Variants in RPL35A observed in about 807,000 individuals in gnomAD.
RPL35A encodes the protein ribosomal protein L35a, also known as large ribosomal subunit protein eL33.
RPL35A carries 1 observed loss-of-function variant against 16.7 expected under a neutral mutation model. The ratio of observed to expected loss-of-function variants is 0.06; its 90% CI spans 0.02 to 0.28. The LOEUF (loss-of-function observed/expected upper bound fraction) is 0.28. RPL35A is among the 10% of genes least tolerant of loss of function. The pLI is 1.00. For missense variants in RPL35A, 91 were observed against 138.7 expected (o/e 0.66, Z 1.73); for synonymous variants, 58 against 47.0 (o/e 1.23, Z -0.96).
In RPL35A at chr3:197,951,351, C is replaced by T. The variant is rs369611749; in HGVS notation, c.164+40C>T. On this transcript the variant is annotated intron_variant, in intron 3 of 4. Transcript: ENST00000647248. ...CTGGTAGGTTTTGGGTTTTTGAGAT[C>T]TGCCTCATTTTCTTTTTTATATAAC... 6.5e-5 allele frequency: 105 copies of T among 1,604,052 alleles called. No individual in the cohort carries two copies. The African/African-American group carries it at 1.0e-3, about 16-fold the overall frequency.
intron 3 of RPL35A, chr3:197,953,384 A>AAT (rs1720276147): frequency 1.3e-5 from 6 of 455,210 alleles, no homozygotes; most frequent in South Asian, 7.8e-5. Context: ...CTTTAAAGGA[A>AAT]ATATATATAA....
At chr3:197,955,581 T>C (rs1355173776) in intron 4 of RPL35A, among the ~76,000 whole-genome samples, 169 bp from the exon 5 acceptor site, 2 of 152,086 alleles carry the variant, frequency 1.3e-5, no homozygotes, top group Non-Finnish European at 2.9e-5. Context: ...TTTTTATGAG[T>C]GCCGGTTCTT....
chr3:197,950,446 C>T (rs1719963914), intron 1 of RPL35A: 2 of 655,186 alleles, frequency 3.1e-6, no homozygotes, highest in Non-Finnish European at 4.2e-6. Flanking sequence ...AATTCCTGGG[C>T]CTGAACGGAG....
In RPL35A at chr3:197,950,235, C is replaced by G; in HGVS notation, c.-33+14C>G. The G allele has an allele frequency of 1.5e-5, 19 of 1,230,960 alleles. No individual in the cohort carries two copies. Among genetic ancestry groups the G allele is most frequent in the Non-Finnish European group, 1.8e-5 (18 of 987,786 alleles). The allele number at this position is 1,230,960 out of a possible 1,614,324, so 76.3% of individuals were successfully genotyped here. A position where few individuals can be genotyped will look rare whatever the true frequency, so the allele number is the denominator to read the frequency against. On this transcript the variant is annotated intron_variant, in intron 1 of 4. Transcript: ENST00000647248. Reference sequence around the variant, plus strand: ...GCTCCTGTGGAGGTGAGTGAAGGGTCTGCTGCTGAAATTTGGGGGCAAATA... The same window carrying G: ...GCTCCTGTGGAGGTGAGTGAAGGGTGTGCTGCTGAAATTTGGGGGCAAATA...
chr3:197,953,428 T>G, intron 3 of RPL35A: 1 of 456,714 alleles, frequency 2.2e-6, no homozygotes, highest in South Asian at 1.5e-5. Flanking sequence ...CGAACCACAG[T>G]AGTTTCTCTC....
chr3:197,955,999 T>G lies in RPL35A; in HGVS notation c.*226T>G. 1.9e-6 allele frequency: 1 copy of G among 533,210 alleles called. No homozygotes were observed. The allele number at this position is 533,210 out of a possible 1,614,324, so 33.0% of individuals were successfully genotyped here. On this transcript the variant is annotated 3_prime_UTR_variant, in exon 5 of 5. Coordinates refer to ENST00000647248, the MANE Select transcript of RPL35A (RefSeq NM_000996.4). ...AATGCGAGTATCTTTGACAGAGTCT[T>G]GCTCTGTTGCCCATGCTGGAGTGTA...
At chr3:197,952,045 C>T (rs1218007314) in intron 3 of RPL35A, among the ~76,000 whole-genome samples, 1 of 151,684 alleles carries the variant, frequency 6.6e-6, no homozygotes, top group East Asian at 1.9e-4. Flanking sequence ...GAGGTAATTC[C>T]TTATATTGTG....
At chr3:197,955,722 A>G in intron 4 of RPL35A, 28 bp from the exon 5 acceptor site, 2 of 1,575,102 alleles carry the variant, frequency 1.3e-6, no homozygotes, top group Non-Finnish European at 1.7e-6. Flanking sequence ...ACATTCACCT[A>G]ATGTTTTGTG....
intron 3 of RPL35A, chr3:197,953,525 G>A (rs371838311): frequency 2.4e-5 from 11 of 456,766 alleles, no homozygotes; most frequent in Non-Finnish European, 4.4e-5. Flanking sequence ...TCTTTCTTCC[G>A]GCCAGGACAC....
chr3:197,950,848 G>C, intron 1 of RPL35A, 88 bp from the exon 2 acceptor site: 1 of 1,218,034 alleles, frequency 8.2e-7, no homozygotes, highest in Non-Finnish European at 1.2e-6. Context: ...CATCCAAAAG[G>C]AATTTGCTTT....
In RPL35A at chr3:197,950,932, T is replaced by G; in HGVS notation, c.-32-4T>G. 6.2e-7 allele frequency: 1 copy of G among 1,614,072 alleles called. No homozygotes were observed. Among genetic ancestry groups the G allele is most frequent in the Non-Finnish European group, 8.5e-7 (1 of 1,179,902 alleles). Reference sequence around the variant, plus strand: ...TTTAAACTAATCTTTTTGTTTGTTTTAAGGCCTGCTGGGAACGGGACTTCT... The same window carrying G: ...TTTAAACTAATCTTTTTGTTTGTTTGAAGGCCTGCTGGGAACGGGACTTCT... On this transcript the variant is annotated splice_region_variant and splice_polypyrimidine_tract_variant and intron_variant, in intron 1 of 4. Transcript: ENST00000647248.
rs1413908597 is a variant in RPL35A, at chr3:197,956,443, G to T, written c.*670G>T. The T allele has an allele frequency of 5.2e-5, 8 of 152,516 alleles. No individual in the cohort carries two copies. The highest frequency in any genetic ancestry group is 2.0e-4 in the Admixed American group (3 of 15,302). 9.4% of individuals were successfully genotyped at this position (152,516 alleles called of 1,614,324 possible). On this transcript the variant is annotated 3_prime_UTR_variant, in exon 5 of 5. Coordinates refer to ENST00000647248, the MANE Select transcript of RPL35A (RefSeq NM_000996.4). Reference sequence around the variant, plus strand: ...AGCCATATTACTCCACTCATAAAAAGCAATCCTATGGTAGGTACATGGAGG... The same window carrying T: ...AGCCATATTACTCCACTCATAAAAATCAATCCTATGGTAGGTACATGGAGG...
In RPL35A at chr3:197,956,160, C is replaced by T. The variant is rs2109820063; in HGVS notation, c.*387C>T. 1 of 247,640 alleles carries T rather than the reference C, an allele frequency of 4.0e-6. No individual in the cohort carries two copies. The highest frequency in any genetic ancestry group is 9.5e-5 in the East Asian group (1 of 10,546). 15.3% of individuals were successfully genotyped at this position (247,640 alleles called of 1,614,324 possible). A position where few individuals can be genotyped will look rare whatever the true frequency, so the allele number is the denominator to read the frequency against. On this transcript the variant is annotated 3_prime_UTR_variant, in exon 5 of 5. Transcript: ENST00000647248. ...TTTGTAGAGAGGGTCTGACTCTTGC[C>T]TATGCTGGCTTCAAACTCCTGGGCT...
rs535166135 is a variant in RPL35A at position 197,952,168 on chromosome 3, T to G, written c.164+857T>G. 4.9e-3 allele frequency among the ~76,000 whole-genome samples: 634 copies of G among 128,844 alleles called. 6 individuals carry two copies. Among genetic ancestry groups the G allele is most frequent in the Middle Eastern group, 7.1e-3 (2 of 280 alleles). The allele number at this position is 128,844 out of a possible 152,430, so 84.5% of individuals were successfully genotyped here. A position where few individuals can be genotyped will look rare whatever the true frequency, so the allele number is the denominator to read the frequency against. On this transcript the variant is annotated intron_variant, in intron 3 of 4. Coordinates refer to ENST00000647248, the MANE Select transcript of RPL35A (RefSeq NM_000996.4). The stretch of plus-strand genomic sequence containing the variant: ...TAATGCCTTAAAATTATGGGTTTTT[T>G]TTTTTTTTTTTTTTTTTTTTGGAGA...
intron 4 of RPL35A, 44 bp downstream of exon 4, chr3:197,954,191 T>C (rs1365017695): frequency 1.9e-6 from 3 of 1,601,080 alleles, no homozygotes; most frequent in Non-Finnish European, 2.6e-6. Flanking sequence ...TGAATCAGAC[T>C]AGGTTCAAGG....
chr3:197,952,528 C>T (rs1005361159), intron 3 of RPL35A: 1 of 151,676 alleles, frequency 6.6e-6, no homozygotes, highest in African/African-American at 2.4e-5. Flanking sequence ...GAGTTTTGCT[C>T]TTGTTATCCA....
chr3:197,954,349 G>A, intron 4 of RPL35A: 1 of 617,606 alleles, frequency 1.6e-6, no homozygotes, highest in Middle Eastern at 4.1e-4. Flanking sequence ...TTTTTTTTGG[G>A]GGGAGACAGG....
chr3:197,951,440 C>T (rs900348293), intron 3 of RPL35A, 129 bp downstream of exon 3: 1 of 1,009,308 alleles, frequency 9.9e-7, no homozygotes, highest in East Asian at 2.5e-5. Flanking sequence ...GAAACCTCCG[C>T]CTCCCGGGTT....
At position 197,955,981 on chromosome 3, in the gene RPL35A, G is replaced by A; in HGVS notation, c.*208G>A. ...TAGAAGGGAACGGGTTTTAATGCGA[G>A]TATCTTTGACAGAGTCTTGCTCTGT... On this transcript the variant is annotated 3_prime_UTR_variant, in exon 5 of 5. Coordinates refer to ENST00000647248, the MANE Select transcript of RPL35A (RefSeq NM_000996.4). 1.8e-6 allele frequency: 1 copy of A among 565,920 alleles called. No individual in the cohort carries two copies. The highest frequency in any genetic ancestry group is 3.2e-6 in the Non-Finnish European group (1 of 313,466). The allele number at this position is 565,920 out of a possible 1,614,324, so 35.1% of individuals were successfully genotyped here. A position where few individuals can be genotyped will look rare whatever the true frequency, so the allele number is the denominator to read the frequency against.
Sources: allele counts gnomAD v4.1 joint callset (sites outside exome capture counted in the v4.1 genomes callset), GRCh38; gene constraint gnomAD v4.1.1; transcripts MANE v1.5; gene names NCBI Gene and HGNC (gene_info 2026-07-23, HGNC 2026-07-21).